GOLGA1: variants seen among roughly 807,000 people sequenced by gnomAD.
GOLGA1 encodes golgin A1, also known as golgin subfamily A member 1.
Under a neutral mutation model 119.7 loss-of-function variants are expected in GOLGA1, and 63 were observed. The observed-to-expected ratio is 0.53, with a 90% CI of 0.43 to 0.65. GOLGA1 has a LOEUF of 0.65. Ranked by LOEUF, GOLGA1 falls within the 30% of genes least tolerant of loss-of-function variation. The probability of loss-of-function intolerance (pLI) is 0.00; values close to 1 mark genes in which losing one functional copy is unlikely to be tolerated. For missense variants in GOLGA1, 798 were observed against 912.8 expected (o/e 0.87, Z 1.62); for synonymous variants, 318 against 333.4 (o/e 0.95, Z 0.50).
intron 12 of GOLGA1, 135 bp from the exon 13 acceptor site, chr9:124,900,682 A>G (rs866414092): frequency 5.7e-6 from 3 of 527,254 alleles, no homozygotes; most frequent in African/African-American, 1.9e-5. Flanking sequence ...AAGATACTGC[A>G]TAAGTCTACC....
chr9:124,919,623 A>G (rs1317827620), intron 10 of GOLGA1, among the ~76,000 whole-genome samples: 1 of 152,210 alleles, frequency 6.6e-6, no homozygotes, highest in Non-Finnish European at 1.5e-5. Context: ...TAAGTATGAT[A>G]ATACTTAGCT....
intron 15 of GOLGA1, among the ~76,000 whole-genome samples, chr9:124,894,145 T>C (rs372867473): frequency 6.6e-6 from 1 of 152,204 alleles, no homozygotes; most frequent in East Asian, 1.9e-4. Context: ...ATCCTTCTTG[T>C]AGCGCTTTCT....
At chr9:124,899,547 CTAGG>C in intron 13 of GOLGA1, 69 bp from the exon 14 acceptor site, 1 of 1,440,506 alleles carries the variant, frequency 6.9e-7, no homozygotes, top group Non-Finnish European at 9.4e-7. Context: ...TAGTCTGGCC[CTAGG>C]TGAGAAGATG....
chr9:124,903,210 G>A (rs1372901536), intron 12 of GOLGA1, among the ~76,000 whole-genome samples: 2 of 152,198 alleles, frequency 1.3e-5, no homozygotes, highest in East Asian at 3.8e-4. Context: ...GGTGTGGGTT[G>A]GGTGCGGTGG....
In GOLGA1 at chr9:124,903,817, G is replaced by A. The variant is rs532058765; in HGVS notation, c.1066-3270C>T. On this transcript the variant is annotated intron_variant, in intron 12 of 22. Coordinates refer to ENST00000373555, the MANE Select transcript of GOLGA1 (RefSeq NM_002077.4). ...TGTAATCCCAGCACTTTGGGAGGCCGAGGTGGGCGGGTCACAAGGTCAGGA... is the reference window on the plus strand; with the variant it reads ...TGTAATCCCAGCACTTTGGGAGGCCAAGGTGGGCGGGTCACAAGGTCAGGA... Among the ~76,000 whole-genome samples the A allele has an allele frequency of 1.2e-4, 18 of 152,214 alleles. 1 individual carries two copies. Among genetic ancestry groups the A allele is most frequent in the East Asian group, 9.6e-4 (5 of 5,186 alleles).
intron 10 of GOLGA1, among the ~76,000 whole-genome samples, chr9:124,920,300 T>C (rs1181764857): frequency 7.3e-6 from 1 of 136,842 alleles, no homozygotes; most frequent in African/African-American, 2.6e-5. Flanking sequence ...TTTTTTTTTT[T>C]TTTGGTAGAG....
At position 124,888,601 on chromosome 9, in the gene GOLGA1, G is replaced by T. The variant is rs927401421; in HGVS notation, c.1762-205C>A. Among the ~76,000 whole-genome samples, 1 of 152,168 alleles carries T rather than the reference G, an allele frequency of 6.6e-6. No individual in the cohort carries two copies. The highest frequency in any genetic ancestry group is 1.5e-5 in the Non-Finnish European group (1 of 68,040). ...CGACTAGTCTTTGCTGGGATGAAGG[G>T]GCTTGCTCTCCCCTGCCTACCGACA... On this transcript the variant is annotated intron_variant, in intron 18 of 22. Coordinates refer to ENST00000373555, the MANE Select transcript of GOLGA1 (RefSeq NM_002077.4). This position sits in a 1 kb window ranked among gnomAD's most constrained non-coding sequence, Gnocchi z 4.4.
intron 1 of GOLGA1, 136 bp from the exon 2 acceptor site, chr9:124,940,291 C>T (rs1166179885): frequency 1.3e-5 from 2 of 152,210 alleles, no homozygotes; most frequent in Non-Finnish European, 1.5e-5. Flanking sequence ...GAAAACCTGT[C>T]ACAACTCTCA....
At chr9:124,890,521 G>T in intron 15 of GOLGA1, 43 bp from the exon 16 acceptor site, 1 of 1,451,324 alleles carries the variant, frequency 6.9e-7, no homozygotes, top group Non-Finnish European at 9.7e-7. Context: ...TTAGTTCACA[G>T]TTTTTTAGCT....
intron 15 of GOLGA1, among the ~76,000 whole-genome samples, chr9:124,895,564 C>A (rs1323578960): frequency 6.6e-6 from 1 of 151,244 alleles, no homozygotes; most frequent in Non-Finnish European, 1.5e-5. Context: ...AACAGAGACC[C>A]TCCACAACAA....
At chr9:124,922,550 CAA>C (rs537417274) in intron 8 of GOLGA1, among the ~76,000 whole-genome samples, 30 of 49,292 alleles carry the variant, frequency 6.1e-4, no homozygotes, top group Admixed American at 4.6e-4. Context: ...GACTCTATCT[CAA>C]AAAAAAAAAA....
intron 3 of GOLGA1, among the ~76,000 whole-genome samples, chr9:124,937,959 T>C (rs910073474): frequency 1.3e-5 from 2 of 151,816 alleles, no homozygotes; most frequent in Non-Finnish European, 2.9e-5. Flanking sequence ...GGAACACACC[T>C]GTAGTCCCAG....
Position 124,882,514 on chromosome 9 carries a change from T to TC in GOLGA1, c.1960dup (p.Glu654GlyfsTer8), listed in dbSNP as rs756242382. ...AGCTCCCATGCGAGTACTCACCAGC[T>TC]CCTTCTGCAGAGTCTTCCGGAGCTC... On this transcript the variant is annotated frameshift_variant, in exon 20 of 23. Transcript: ENST00000373555. LOFTEE classifies it high-confidence loss of function. 9 of 1,610,322 alleles carry TC rather than the reference T, an allele frequency of 5.6e-6. No individual in the cohort carries two copies. The highest frequency in any genetic ancestry group is 1.7e-6 in the Non-Finnish European group (2 of 1,177,688).
chr9:124,885,216 T>A (rs564726086), intron 19 of GOLGA1, among the ~76,000 whole-genome samples: 2 of 151,984 alleles, frequency 1.3e-5, no homozygotes, highest in African/African-American at 4.8e-5. Flanking sequence ...TCCCAGCTAC[T>A]TGGGAGGCTG....
At chr9:124,912,285 G>C (rs1199491992) in intron 10 of GOLGA1, among the ~76,000 whole-genome samples, 1 of 152,146 alleles carries the variant, frequency 6.6e-6, no homozygotes, top group African/African-American at 2.4e-5. Context: ...CTGGAACAAA[G>C]GCATTACCTA....
At chr9:124,886,183 G>A (rs1829715834) in intron 19 of GOLGA1, among the ~76,000 whole-genome samples, 2 of 152,210 alleles carry the variant, frequency 1.3e-5, no homozygotes, top group Non-Finnish European at 2.9e-5. Context: ...TGAGGCTAGT[G>A]TCCGTGGAGC....
In GOLGA1 at chr9:124,921,767, C is replaced by T; in HGVS notation, c.687G>A (p.Lys229=). The T allele has an allele frequency of 2.5e-6, 4 of 1,614,090 alleles. No homozygotes were observed. Among genetic ancestry groups the T allele is most frequent in the South Asian group, 2.2e-5 (2 of 91,082 alleles). ...AGTAGTGTCTCTGCAATTCTTCTAG[C>T]TTCTGGCTTAAGTCTGATGACATCT... ...SNQMSSDLSQ[K]LEELQRHYST... The change falls in exon 9 of 23, where the codon AAG becomes AAA. Residue 229 remains lysine (K), a synonymous_variant. Coordinates refer to ENST00000373555, the MANE Select transcript of GOLGA1 (RefSeq NM_002077.4).
chr9:124,886,603 G>A (rs981316082), intron 19 of GOLGA1, among the ~76,000 whole-genome samples: 4 of 152,170 alleles, frequency 2.6e-5, no homozygotes, highest in Non-Finnish European at 4.4e-5. Context: ...CGCAGCAGCA[G>A]GGCAAAGGGG....
intron 4 of GOLGA1, among the ~76,000 whole-genome samples, chr9:124,930,944 T>C (rs1244484453): frequency 6.6e-6 from 1 of 152,218 alleles, no homozygotes; most frequent in African/African-American, 2.4e-5. Flanking sequence ...CACCAATCTC[T>C]GGTGCTGATG....
Sources: allele counts gnomAD v4.1 joint callset (sites outside exome capture counted in the v4.1 genomes callset), GRCh38; gene constraint gnomAD v4.1.1; non-coding constraint Gnocchi (gnomAD v3.1); transcripts MANE v1.5; gene names NCBI Gene and HGNC (gene_info 2026-07-23, HGNC 2026-07-21).